The following ANO2 variants were observed in gnomAD, a reference collection of about 807,000 sequenced individuals.
ANO2 encodes anoctamin 2, also known as anoctamin-2.
A neutral mutation model predicts 124.2 loss-of-function variants in ANO2; 101 were observed. The ratio of observed to expected loss-of-function variants is 0.81; its 90% CI spans 0.69 to 0.96. The LOEUF (loss-of-function observed/expected upper bound fraction) is 0.96, where lower values mean the gene tolerates loss of function less well. Ranked by LOEUF, ANO2 falls within the 40% of genes least tolerant of loss-of-function variation. ANO2 has a pLI of 0.00. For missense variants in ANO2, 1,293 were observed against 1,274.5 expected (o/e 1.01, Z -0.22); for synonymous variants, 486 against 482.5 (o/e 1.01, Z -0.09).
rs990891735 is a variant in ANO2, at chr12:5,769,665, C to T, written c.1056-18695G>A. On this transcript the variant is annotated intron_variant, in intron 10 of 24. Transcript: ENST00000682330. This position sits in a 1 kb window ranked among gnomAD's most constrained non-coding sequence, Gnocchi z 4.0. ...GGATGGACCTCCATTAACAGCCACA[C>T]CTCCCCATCCAGAAGGAGAGGAAGA... Among the ~76,000 whole-genome samples, 1 of 152,140 alleles carries T rather than the reference C, an allele frequency of 6.6e-6. No individual in the cohort carries two copies. Among genetic ancestry groups the T allele is most frequent in the Admixed American group, 6.5e-5 (1 of 15,276 alleles).
At chr12:5,828,139 A>C (rs1225346658) in intron 6 of ANO2, among the ~76,000 whole-genome samples, 1 of 152,176 alleles carries the variant, frequency 6.6e-6, no homozygotes, top group Non-Finnish European at 1.5e-5. Flanking sequence ...ACCCCAGACC[A>C]CATAGCCTCG....
chr12:5,663,071 G>A (rs1056484150), intron 14 of ANO2, among the ~76,000 whole-genome samples: 1 of 152,198 alleles, frequency 6.6e-6, no homozygotes, highest in African/African-American at 2.4e-5. Flanking sequence ...CGTTAAGAAG[G>A]ATTCCTCCTT....
intron 24 of ANO2, among the ~76,000 whole-genome samples, chr12:5,563,796 G>C (rs566836662): frequency 2.8e-4 from 42 of 152,334 alleles, no homozygotes; most frequent in African/African-American, 9.4e-4. Context: ...TACATGTGGA[G>C]CATCTGCCGC....
At chr12:5,780,333 A>G (rs561437948) in intron 10 of ANO2, among the ~76,000 whole-genome samples, 68 of 152,334 alleles carry the variant, frequency 4.5e-4, no homozygotes, top group African/African-American at 1.6e-3. Flanking sequence ...TTAATTTTTA[A>G]TGGCGAAATT....
At chr12:5,817,356 G>C (rs546671680) in intron 7 of ANO2, among the ~76,000 whole-genome samples, 1 of 152,184 alleles carries the variant, frequency 6.6e-6, no homozygotes, top group Non-Finnish European at 1.5e-5. Flanking sequence ...CTAGCAGGCT[G>C]GGCATTTTTA....
Position 5,658,399 on chromosome 12 carries a change from C to T in ANO2, c.1546-10598G>A, listed in dbSNP as rs1331421859. Among the ~76,000 whole-genome samples, 2 of 152,106 alleles carry T rather than the reference C, an allele frequency of 1.3e-5. No individual in the cohort carries two copies. Among genetic ancestry groups the T allele is most frequent in the African/African-American group, 4.8e-5 (2 of 41,426 alleles). ...TCATCATCATCAACAACATCATCAT[C>T]GTCATTGTTATCATCATCATAACCA... is the stretch of plus-strand genomic sequence containing the variant. On this transcript the variant is annotated intron_variant, in intron 14 of 24. Transcript: ENST00000682330. This position sits in a 1 kb window ranked among gnomAD's most constrained non-coding sequence, Gnocchi z 4.3.
At chr12:5,695,965 C>T (rs980493427) in intron 14 of ANO2, among the ~76,000 whole-genome samples, 4 of 152,144 alleles carry the variant, frequency 2.6e-5, no homozygotes, top group African/African-American at 9.7e-5. Context: ...GAACCTAAAA[C>T]AGTGCCTGGC....
At chr12:5,931,235 C>T (rs1942361273) in intron 1 of ANO2, among the ~76,000 whole-genome samples, 1 of 152,082 alleles carries the variant, frequency 6.6e-6, no homozygotes, top group South Asian at 2.1e-4. Context: ...TCTCCCAACA[C>T]TCATCCACTG....
chr12:5,900,229 C>T lies in ANO2; in HGVS notation c.534+20811G>A, dbSNP rs1402754607. Among the ~76,000 whole-genome samples, 1 of 152,154 alleles carries T rather than the reference C, an allele frequency of 6.6e-6. No individual in the cohort carries two copies. The highest frequency in any genetic ancestry group is 1.5e-5 in the Non-Finnish European group (1 of 68,026). On this transcript the variant is annotated intron_variant, in intron 3 of 24. Coordinates refer to ENST00000682330, the MANE Select transcript of ANO2 (RefSeq NM_001364791.2). The surrounding 1 kb of genome is among the most constrained non-coding windows in gnomAD (Gnocchi z 4.2). The stretch of plus-strand genomic sequence containing the variant: ...GCCCTGAGAGGATGGAGAGGCACCA[C>T]TATGCCCAGCTTCATCTTCTAGCTC...
Position 5,900,858 on chromosome 12 carries a change from C to T in ANO2, c.534+20182G>A, listed in dbSNP as rs910234504. On this transcript the variant is annotated intron_variant, in intron 3 of 24. Coordinates refer to ENST00000682330, the MANE Select transcript of ANO2 (RefSeq NM_001364791.2). This position sits in a 1 kb window ranked among gnomAD's most constrained non-coding sequence, Gnocchi z 4.2. The stretch of plus-strand genomic sequence containing the variant: ...GGGCAGGAAGGCGTCTCCTTGTTCT[C>T]GGCTCAGGAGACTCAGAGAAAGCCC... Among the ~76,000 whole-genome samples, 7 of 152,330 alleles carry T rather than the reference C, an allele frequency of 4.6e-5. No homozygotes were observed. Among genetic ancestry groups the T allele is most frequent in the Non-Finnish European group, 7.3e-5 (5 of 68,030 alleles).
chr12:5,712,267 G>C (rs1231813743), intron 14 of ANO2, among the ~76,000 whole-genome samples: 1 of 151,958 alleles, frequency 6.6e-6, no homozygotes, highest in Admixed American at 6.6e-5. Context: ...CCAGGAACCT[G>C]TGAATACGAC....
chr12:5,739,027 T>G, intron 13 of ANO2: 2 of 553,540 alleles, frequency 3.6e-6, no homozygotes, highest in Non-Finnish European at 6.9e-6. Context: ...TGCCTCTTGT[T>G]CTTGCATCTT....
chr12:5,756,767 G>C (rs1951595415), intron 10 of ANO2, among the ~76,000 whole-genome samples: 1 of 152,262 alleles, frequency 6.6e-6, no homozygotes, highest in Non-Finnish European at 1.5e-5. Context: ...ATCTGCATGA[G>C]AGTAGGGCTG....
At chr12:5,755,895 C>T (rs1408852214) in intron 10 of ANO2, among the ~76,000 whole-genome samples, 1 of 152,144 alleles carries the variant, frequency 6.6e-6, no homozygotes, top group Non-Finnish European at 1.5e-5. Flanking sequence ...GTTCATTTCT[C>T]TTCCTAGATT....
intron 14 of ANO2, among the ~76,000 whole-genome samples, chr12:5,689,980 G>C (rs1948862748): frequency 6.6e-6 from 1 of 152,190 alleles, no homozygotes; most frequent in African/African-American, 2.4e-5. Flanking sequence ...GGCAGTGTGA[G>C]AGCAGCAGTG....
intron 14 of ANO2, among the ~76,000 whole-genome samples, chr12:5,681,969 TG>T (rs1194466176): frequency 6.6e-6 from 1 of 152,114 alleles, no homozygotes; most frequent in African/African-American, 2.4e-5. Flanking sequence ...GGGAAAATCA[TG>T]GAAAAAAGAG....
Position 5,697,547 on chromosome 12 carries a change from T to C in ANO2, c.1545+34973A>G, listed in dbSNP as rs556055613. ...CATGAGCGATGCAGAAGACGGATGA[T>C]TTCTGCATTTCCAACTGAGGTACCG... is the stretch of plus-strand genomic sequence containing the variant. On this transcript the variant is annotated intron_variant, in intron 14 of 24. Coordinates refer to ENST00000682330, the MANE Select transcript of ANO2 (RefSeq NM_001364791.2). 6.6e-5 allele frequency among the ~76,000 whole-genome samples: 10 copies of C among 152,306 alleles called. No individual in the cohort carries two copies. The East Asian group carries it at 1.5e-3, about 24-fold the overall frequency.
chr12:5,762,178 C>T (rs911383005), intron 10 of ANO2, among the ~76,000 whole-genome samples: 5 of 151,940 alleles, frequency 3.3e-5, no homozygotes, highest in Admixed American at 6.6e-5. Context: ...GATGGGTATT[C>T]GTTGCATATC....
chr12:5,916,591 CA>C (rs1941394507), intron 3 of ANO2, among the ~76,000 whole-genome samples: 1 of 147,306 alleles, frequency 6.8e-6, no homozygotes, highest in Admixed American at 6.8e-5. Flanking sequence ...TTAACTGTAA[CA>C]AATGTATCCT....
Sources: allele counts gnomAD v4.1 joint callset (sites outside exome capture counted in the v4.1 genomes callset), GRCh38; gene constraint gnomAD v4.1.1; non-coding constraint Gnocchi (gnomAD v3.1); transcripts MANE v1.5; gene names NCBI Gene and HGNC (gene_info 2026-07-23, HGNC 2026-07-21).